Variants in ANAPC10 observed in about 807,000 individuals in gnomAD.
The protein encoded by ANAPC10 is anaphase-promoting complex subunit 10.
Under a neutral mutation model 22.0 loss-of-function variants are expected in ANAPC10, and 12 were observed. That is an observed-to-expected ratio of 0.55 (90% CI 0.35 to 0.88). ANAPC10 has a LOEUF of 0.88. ANAPC10 is among the 40% of genes least tolerant of loss of function. ANAPC10 has a pLI of 0.01. For missense variants in ANAPC10, 188 were observed against 220.9 expected (o/e 0.85, Z 0.94); for synonymous variants, 65 against 69.5 (o/e 0.94, Z 0.32).
intron 3 of ANAPC10, among the ~76,000 whole-genome samples, chr4:145,064,913 TGTAGAACATG>T (rs1743451894): frequency 6.6e-6 from 1 of 151,962 alleles, no homozygotes; most frequent in South Asian, 2.1e-4. Context: ...CAGACACCTA[TGTAGAACATG>T]GTCAAGAGCC....
intron 3 of ANAPC10, among the ~76,000 whole-genome samples, chr4:145,067,580 A>C (rs1363535807): frequency 6.6e-6 from 1 of 152,188 alleles, no homozygotes; most frequent in African/African-American, 2.4e-5. Context: ...TTTAATTCTA[A>C]GGTTCAATAT....
At chr4:145,016,025 CA>C (rs1251646261) in intron 4 of ANAPC10, among the ~76,000 whole-genome samples, 1 of 152,056 alleles carries the variant, frequency 6.6e-6, no homozygotes, top group African/African-American at 2.4e-5. Context: ...ACTGAATGGG[CA>C]AAAACTGGAA....
chr4:145,017,234 C>T (rs1217156456), intron 4 of ANAPC10, among the ~76,000 whole-genome samples: 2 of 151,578 alleles, frequency 1.3e-5, no homozygotes, highest in African/African-American at 4.8e-5. Context: ...TGACAAAGGG[C>T]TAATATCCAG....
chr4:145,004,507 G>A (rs1177648787), intron 4 of ANAPC10, among the ~76,000 whole-genome samples: 11 of 152,118 alleles, frequency 7.2e-5, no homozygotes, highest in Non-Finnish European at 1.3e-4. Context: ...TTATTTTGAA[G>A]TATGTTCCTT....
At chr4:144,997,217 A>C (rs539277842) in intron 4 of ANAPC10, among the ~76,000 whole-genome samples, 1 of 152,350 alleles carries the variant, frequency 6.6e-6, no homozygotes, top group African/African-American at 2.4e-5. Context: ...GCCAACATTT[A>C]AATTCAGGAA....
At chr4:145,077,269 A>G (rs1316772035) in intron 3 of ANAPC10, among the ~76,000 whole-genome samples, 1 of 152,200 alleles carries the variant, frequency 6.6e-6, no homozygotes, top group East Asian at 1.9e-4. Flanking sequence ...AACCTCTGAG[A>G]AATATGAGAT....
At chr4:145,038,176 A>G (rs573011953) in intron 4 of ANAPC10, among the ~76,000 whole-genome samples, 2 of 152,262 alleles carry the variant, frequency 1.3e-5, no homozygotes, top group East Asian at 1.9e-4. Context: ...TCTACAAAAT[A>G]AAAATAAATA....
At chr4:145,012,789 TTTAA>T (rs1734552035) in intron 4 of ANAPC10, among the ~76,000 whole-genome samples, 1 of 152,140 alleles carries the variant, frequency 6.6e-6, no homozygotes, top group Admixed American at 6.6e-5. Flanking sequence ...AGAAACACTT[TTTAA>T]CTATTTTTAT....
chr4:145,086,685 A>G (rs112808537), intron 2 of ANAPC10, among the ~76,000 whole-genome samples: 1,887 of 152,168 alleles, frequency 0.012, 42 homozygotes, highest in African/African-American at 0.042. Context: ...GGGGATGTCC[A>G]GTGCATTGAA....
intron 4 of ANAPC10, among the ~76,000 whole-genome samples, chr4:144,998,697 A>G (rs1732016612): frequency 6.6e-6 from 1 of 152,178 alleles, no homozygotes; most frequent in Non-Finnish European, 1.5e-5. Context: ...ATAACATCAC[A>G]ATTAAAAGAA....
intron 4 of ANAPC10, among the ~76,000 whole-genome samples, chr4:144,998,865 G>A (rs546546804): frequency 1.3e-5 from 2 of 151,996 alleles, no homozygotes; most frequent in Non-Finnish European, 2.9e-5. Context: ...TTGATAGACC[G>A]CTAGCAACAC....
At chr4:145,044,042 A>G (rs189654058) in intron 4 of ANAPC10, among the ~76,000 whole-genome samples, 93 of 152,208 alleles carry the variant, frequency 6.1e-4, no homozygotes, top group Admixed American at 4.9e-3. Flanking sequence ...CTCTCTTTCT[A>G]TGTTTCTTCC....
At position 145,062,068 on chromosome 4, in the gene ANAPC10, G is replaced by GA. The variant is rs796106126; in HGVS notation, c.327+2503dup. Among the ~76,000 whole-genome samples the GA allele has an allele frequency of 2.2e-3, 277 of 124,274 alleles. 1 individual carries two copies. The highest frequency in any genetic ancestry group is 0.017 in the South Asian group (65 of 3,882). 81.5% of individuals were successfully genotyped at this position (124,274 alleles called of 152,430 possible). A position where few individuals can be genotyped will look rare whatever the true frequency, so the allele number is the denominator to read the frequency against. On this transcript the variant is annotated intron_variant, in intron 4 of 4. Coordinates refer to ENST00000507656, the MANE Select transcript of ANAPC10 (RefSeq NM_001256706.2). The stretch of plus-strand genomic sequence containing the variant: ...ACAGAGCAAGACTCTGTCAAAAAAA[G>GA]AAAAAAAAAAAAGATTATGATAAAA...
At chr4:145,009,867 C>T (rs1734011451) in intron 4 of ANAPC10, among the ~76,000 whole-genome samples, 1 of 152,068 alleles carries the variant, frequency 6.6e-6, no homozygotes, top group Admixed American at 6.6e-5. Context: ...AAAGAAACTA[C>T]CATCAGAGTG....
intron 4 of ANAPC10, among the ~76,000 whole-genome samples, chr4:145,060,483 C>T (rs1042352824): frequency 6.6e-6 from 1 of 151,884 alleles, no homozygotes; most frequent in Non-Finnish European, 1.5e-5. Flanking sequence ...CAGCTATATG[C>T]TTTTCTCAAC....
At chr4:145,078,899 T>C (rs1579128679) in intron 3 of ANAPC10, among the ~76,000 whole-genome samples, 1 of 152,206 alleles carries the variant, frequency 6.6e-6, no homozygotes, top group East Asian at 1.9e-4. Context: ...AAGACCTAAA[T>C]GTAAAACCTA....
rs183458922 is a variant in ANAPC10 at position 145,010,957 on chromosome 4, C to T, written c.328-15354G>A. ...GCACCAGCAAGGGACCAGGTATCCA[C>T]GGAAGGCACGGCAAGACAGAAAGCT... On this transcript the variant is annotated intron_variant, in intron 4 of 4. Coordinates refer to ENST00000507656, the MANE Select transcript of ANAPC10 (RefSeq NM_001256706.2). Among the ~76,000 whole-genome samples the T allele has an allele frequency of 8.5e-4, 130 of 152,164 alleles. 3 individuals are homozygous for T. In the East Asian group the frequency reaches 0.019, roughly 22 times the overall value.
rs565877894 is a variant in ANAPC10 at position 145,013,945 on chromosome 4, C to A, written c.328-18342G>T. ...AAAAGGCCCTGGGAGCTTGCTGGGT[C>A]CCCAGGCAGGCCATTCTTGCCTGGC... On this transcript the variant is annotated intron_variant, in intron 4 of 4. Transcript: ENST00000507656. Among the ~76,000 whole-genome samples, 643 of 152,192 alleles carry A rather than the reference C, an allele frequency of 4.2e-3. 10 individuals are homozygous for A. Among genetic ancestry groups the A allele is most frequent in the African/African-American group, 0.015 (608 of 41,510 alleles).
intron 4 of ANAPC10, chr4:145,032,931 C>T (rs1737844587): frequency 6.6e-6 from 1 of 152,248 alleles, no homozygotes; most frequent in Non-Finnish European, 1.5e-5. Flanking sequence ...CAACCGTGGA[C>T]TCACAGAATG....
Sources: allele counts gnomAD v4.1 joint callset (sites outside exome capture counted in the v4.1 genomes callset), GRCh38; gene constraint gnomAD v4.1.1; transcripts MANE v1.5; gene names NCBI Gene and HGNC (gene_info 2026-07-23, HGNC 2026-07-21).